The following DGKB variants were observed in gnomAD, a reference collection of about 807,000 sequenced individuals.
The protein encoded by DGKB is 90 kDa diacylglycerol kinase.
A neutral mutation model predicts 114.3 loss-of-function variants in DGKB; 67 were observed. The observed-to-expected ratio is 0.59, with a 90% CI of 0.48 to 0.72. The LOEUF (loss-of-function observed/expected upper bound fraction) is 0.72, where lower values mean the gene tolerates loss of function less well. Ranked by LOEUF, DGKB falls within the 30% of genes least tolerant of loss-of-function variation. The pLI is 0.00. For missense variants in DGKB, 907 were observed against 975.2 expected (o/e 0.93, Z 0.93); for synonymous variants, 398 against 323.1 (o/e 1.23, Z -2.49).
intron 20 of DGKB, among the ~76,000 whole-genome samples, chr7:14,549,815 C>T (rs370192380): frequency 4.6e-5 from 7 of 151,912 alleles, no homozygotes; most frequent in South Asian, 2.1e-4. Flanking sequence ...AGTGAAACCC[C>T]GTCTCTACTA....
At chr7:14,844,910 C>A (rs527404115) in intron 1 of DGKB, among the ~76,000 whole-genome samples, 290 of 152,020 alleles carry the variant, frequency 1.9e-3, no homozygotes, top group Non-Finnish European at 3.6e-3. Context: ...AGTTCTAGAC[C>A]AGCCTGGGCA....
intron 9 of DGKB, among the ~76,000 whole-genome samples, chr7:14,685,583 C>A (rs773066203): frequency 2.6e-5 from 4 of 152,154 alleles, no homozygotes; most frequent in Non-Finnish European, 4.4e-5. Context: ...ACCCACAAAT[C>A]CTTGTCTAAT....
chr7:14,171,893 T>A (rs879546509), intron 25 of DGKB, among the ~76,000 whole-genome samples: 7 of 152,200 alleles, frequency 4.6e-5, no homozygotes, highest in Non-Finnish European at 8.8e-5. Context: ...ACCAAGATGA[T>A]CCAAATCATG....
At chr7:14,790,536 T>C (rs1840527432) in intron 2 of DGKB, among the ~76,000 whole-genome samples, 1 of 152,128 alleles carries the variant, frequency 6.6e-6, no homozygotes, top group South Asian at 2.1e-4. Flanking sequence ...TAATGGATGT[T>C]CAATTACTCA....
intron 23 of DGKB, among the ~76,000 whole-genome samples, chr7:14,282,546 A>G (rs1404239868): frequency 4.6e-5 from 7 of 151,952 alleles, no homozygotes; most frequent in African/African-American, 1.7e-4. Flanking sequence ...AAAGCCGGGC[A>G]GAGACACAAC....
chr7:14,512,321 A>G (rs562425758), intron 20 of DGKB, among the ~76,000 whole-genome samples: 2 of 152,324 alleles, frequency 1.3e-5, no homozygotes, highest in South Asian at 4.1e-4. Flanking sequence ...AGATGGAATT[A>G]TTGGGTTTCA....
At chr7:14,843,317 T>A (rs1848193275) in intron 1 of DGKB, among the ~76,000 whole-genome samples, 2 of 6,008 alleles carry the variant, frequency 3.3e-4, no homozygotes, top group Non-Finnish European at 4.7e-4. Context: ...TTTAATAACT[T>A]TTTTTTTTTT....
intron 21 of DGKB, among the ~76,000 whole-genome samples, chr7:14,409,230 G>T (rs995777371): frequency 2.6e-5 from 4 of 152,072 alleles, no homozygotes; most frequent in African/African-American, 9.7e-5. Context: ...CATCCCGAGG[G>T]AGCAGTTCCT....
intron 20 of DGKB, among the ~76,000 whole-genome samples, chr7:14,531,981 A>T (rs1791661811): frequency 6.6e-6 from 1 of 151,292 alleles, no homozygotes; most frequent in South Asian, 2.1e-4. Context: ...CAAAAAAAAA[A>T]TGAAGTTAGG....
intron 21 of DGKB, among the ~76,000 whole-genome samples, chr7:14,352,933 C>CA (rs562846207): frequency 1.3e-4 from 18 of 139,028 alleles, no homozygotes; most frequent in African/African-American, 1.9e-4. Context: ...CAAAAACAAA[C>CA]AAAAAAAACC....
intron 23 of DGKB, among the ~76,000 whole-genome samples, chr7:14,274,998 G>T (rs1798795411): frequency 1.3e-5 from 2 of 151,308 alleles, no homozygotes; most frequent in Admixed American, 1.3e-4. Flanking sequence ...TTATAAATGT[G>T]ATTTCTTCTG....
At chr7:14,640,146 T>C (rs1047206559) in intron 13 of DGKB, among the ~76,000 whole-genome samples, 1 of 152,196 alleles carries the variant, frequency 6.6e-6, no homozygotes, top group Admixed American at 6.5e-5. Flanking sequence ...CAAATCATGA[T>C]GCTGTTTAGT....
intron 21 of DGKB, among the ~76,000 whole-genome samples, chr7:14,405,090 T>G (rs756063968): frequency 4.7e-5 from 5 of 106,712 alleles, no homozygotes; most frequent in African/African-American, 1.5e-4. Context: ...ATATCTAAAT[T>G]GAAATTCTTG....
chr7:14,484,869 A>G (rs1289778940), intron 20 of DGKB, among the ~76,000 whole-genome samples: 8 of 152,188 alleles, frequency 5.3e-5, no homozygotes, highest in Admixed American at 1.3e-4. Context: ...TATATACAGC[A>G]AATTCAAAGA....
At chr7:14,719,893 T>C (rs1013160793) in intron 5 of DGKB, among the ~76,000 whole-genome samples, 1 of 152,136 alleles carries the variant, frequency 6.6e-6, no homozygotes, top group African/African-American at 2.4e-5. Context: ...TATTCTTACG[T>C]GAACGCTGTG....
chr7:14,750,536 G>T (rs1329412970), intron 4 of DGKB, among the ~76,000 whole-genome samples: 1 of 151,984 alleles, frequency 6.6e-6, no homozygotes, highest in Non-Finnish European at 1.5e-5. Context: ...GTCATCTAGT[G>T]TTCTTACTTG....
At chr7:14,553,974 G>A (rs1334907207) in intron 20 of DGKB, among the ~76,000 whole-genome samples, 2 of 142,278 alleles carry the variant, frequency 1.4e-5, no homozygotes, top group South Asian at 2.4e-4. Flanking sequence ...CCGGGTTCAC[G>A]CCATTCTCCT....
chr7:14,846,323 C>G (rs1328356677), intron 1 of DGKB, among the ~76,000 whole-genome samples: 2 of 152,120 alleles, frequency 1.3e-5, no homozygotes, highest in East Asian at 1.9e-4. Flanking sequence ...AGTTCTAACC[C>G]TCATCACGTG....
In DGKB at chr7:14,922,387, T is replaced by TGTATGA. The variant is rs748911362; in HGVS notation, c.-188+52308_-188+52309insTCATAC. Among the ~76,000 whole-genome samples, 4 of 147,700 alleles carry TGTATGA rather than the reference T, an allele frequency of 2.7e-5. 1 individual carries two copies. The South Asian group carries it at 8.8e-4, about 32-fold the overall frequency. Reference sequence around the variant, plus strand: ...TATGTGTATCCATCGTGTGTGTGTGTGTGTGTGTGTGTGTGTGTGTGTGTG... The same window carrying TGTATGA: ...TATGTGTATCCATCGTGTGTGTGTGTGTATGAGTGTGTGTGTGTGTGTGTGTGTGTG... On this transcript the variant is annotated intron_variant, in intron 1 of 4. Transcript: ENST00000437998.
Sources: gnomAD v4.1 joint callset for allele counts (sites outside exome capture counted in the v4.1 genomes callset) on GRCh38, gnomAD v4.1.1 for gene constraint, MANE v1.5 for transcripts, NCBI Gene and HGNC (gene_info 2026-07-23, HGNC 2026-07-21) for gene names.